Variants in ENTHD1 observed in about 807,000 individuals in gnomAD.
ENTHD1 encodes the protein ENTH domain containing 1.
In ENTHD1, 23 loss-of-function variants were observed where a neutral mutation model predicts 39.1. That is an observed-to-expected ratio of 0.59 (90% confidence interval 0.42 to 0.83). The LOEUF is 0.83. ENTHD1 is among the 40% of genes least tolerant of loss of function. The pLI is 0.00. For synonymous variants in ENTHD1, 230 were observed against 258.2 expected, an observed-to-expected ratio of 0.89 and a Z score of 1.05; for missense variants, 624 against 705.4, an observed-to-expected ratio of 0.88 and a Z score of 1.31.
At chr22:39,814,605 C>T (rs2065719619) in intron 5 of ENTHD1, among the ~76,000 whole-genome samples, 1 of 152,182 alleles carries the variant, frequency 6.6e-6, no homozygotes, top group Admixed American at 6.5e-5. Flanking sequence ...TAAACAGTTC[C>T]ATGCATATGT....
At chr22:39,766,864 A>G (rs961285566) in intron 5 of ENTHD1, among the ~76,000 whole-genome samples, 2 of 152,208 alleles carry the variant, frequency 1.3e-5, no homozygotes, top group Admixed American at 6.5e-5. Context: ...TGCTATCTTC[A>G]CCAGAAATTC....
chr22:39,815,640 A>G (rs994980206), intron 5 of ENTHD1, among the ~76,000 whole-genome samples: 16 of 152,182 alleles, frequency 1.1e-4, no homozygotes, highest in African/African-American at 3.9e-4. Flanking sequence ...TATATGCCCT[A>G]GAGAAACTCC....
chr22:39,842,259 A>AT (rs1270394275), intron 3 of ENTHD1, among the ~76,000 whole-genome samples: 1 of 151,982 alleles, frequency 6.6e-6, no homozygotes, highest in Non-Finnish European at 1.5e-5. Flanking sequence ...TGTTCTCTGT[A>AT]TTTCCTGAAT....
At chr22:39,883,003 CAAAA>C (rs58964198) in intron 2 of ENTHD1, among the ~76,000 whole-genome samples, 3 of 48,288 alleles carry the variant, frequency 6.2e-5, no homozygotes, top group South Asian at 9.7e-4. Context: ...GACTTCATCT[CAAAA>C]AAAAAAAAAA....
chr22:39,748,581 C>T (rs2065125175), intron 6 of ENTHD1, among the ~76,000 whole-genome samples: 1 of 149,658 alleles, frequency 6.7e-6, no homozygotes, highest in Non-Finnish European at 1.5e-5. Flanking sequence ...TCACCACGCC[C>T]GGCTATTTTT....
rs534064347 is a variant in ENTHD1, at chr22:39,808,315, C to T, written c.832+12678G>A. Among the ~76,000 whole-genome samples, 3 of 152,266 alleles carry T rather than the reference C, an allele frequency of 2.0e-5. No individual in the cohort carries two copies. In the South Asian group the frequency reaches 6.2e-4, roughly 32 times the overall value. On this transcript the variant is annotated intron_variant, in intron 5 of 6. Coordinates refer to ENST00000325157, the MANE Select transcript of ENTHD1 (RefSeq NM_152512.4). The stretch of plus-strand genomic sequence containing the variant: ...GTGTCCTCTCCCTATCCTGATACCT[C>T]ATTTGTTTGATTAGGTCTGTTAAGC...
rs2065261692 is a variant in ENTHD1, at chr22:39,764,784, CAAT to C, written c.1219+436_1219+438del. Among the ~76,000 whole-genome samples, 3 of 151,402 alleles carry C rather than the reference CAAT, an allele frequency of 2.0e-5. No individual in the cohort carries two copies. The South Asian group carries it at 6.2e-4, about 31-fold the overall frequency. On this transcript the variant is annotated intron_variant, in intron 6 of 6. Coordinates refer to ENST00000325157, the MANE Select transcript of ENTHD1 (RefSeq NM_152512.4). ...GACAAGATCCCCTGCCCCTTTTGTG[CAAT>C]CAGTACACAGCCCTTTTTAAAGGGG...
intron 1 of ENTHD1, among the ~76,000 whole-genome samples, chr22:39,890,047 G>A (rs868436856): frequency 6.6e-6 from 1 of 151,428 alleles, no homozygotes; most frequent in Non-Finnish European, 1.5e-5. Flanking sequence ...GCACTGAGCC[G>A]AGATTAGGCC....
chr22:39,799,367 G>A (rs1305192467), intron 5 of ENTHD1, among the ~76,000 whole-genome samples: 3 of 152,214 alleles, frequency 2.0e-5, no homozygotes, highest in Admixed American at 2.0e-4. Context: ...CCCCTGGGCT[G>A]CAGGACACTG....
chr22:39,839,634 T>A (rs2065929718), intron 3 of ENTHD1, among the ~76,000 whole-genome samples: 1 of 152,194 alleles, frequency 6.6e-6, no homozygotes, highest in African/African-American at 2.4e-5. Flanking sequence ...GGCTTGGAGA[T>A]TTTGTAGCTA....
At chr22:39,786,111 C>G (rs775245665) in intron 5 of ENTHD1, among the ~76,000 whole-genome samples, 6 of 152,136 alleles carry the variant, frequency 3.9e-5, no homozygotes, top group Non-Finnish European at 5.9e-5. Flanking sequence ...TCCTTTCTAT[C>G]CAGGCCTGTC....
rs77915572 is a variant in ENTHD1, at chr22:39,814,295, C to CAAAA, written c.832+6694_832+6697dup. Among the ~76,000 whole-genome samples, 5 of 97,718 alleles carry CAAAA rather than the reference C, an allele frequency of 5.1e-5. No homozygotes were observed. The South Asian group carries it at 1.4e-3, about 27-fold the overall frequency. 64.1% of individuals were successfully genotyped at this position (97,718 alleles called of 152,430 possible). On this transcript the variant is annotated intron_variant, in intron 5 of 6. Coordinates refer to ENST00000325157, the MANE Select transcript of ENTHD1 (RefSeq NM_152512.4). The stretch of plus-strand genomic sequence containing the variant: ...GCAACATGGCAAAACCCCATCTCTA[C>CAAAA]AAAAAAAAAAAAAAAATAACCAGGT...
rs997840046 is a variant in ENTHD1, at chr22:39,843,100, C to A, written c.593-7142G>T. Among the ~76,000 whole-genome samples the A allele has an allele frequency of 3.0e-3, 460 of 151,818 alleles. 3 individuals are homozygous for A. Among genetic ancestry groups the A allele is most frequent in the African/African-American group, 0.011 (442 of 41,440 alleles). On this transcript the variant is annotated intron_variant, in intron 3 of 6. Transcript: ENST00000325157. ...AGAAATACCATTTGACCCAGCCATCCCATTACTGGGTATATACCCAAAGGA... is the reference window on the plus strand; with the variant it reads ...AGAAATACCATTTGACCCAGCCATCACATTACTGGGTATATACCCAAAGGA...
intron 6 of ENTHD1, among the ~76,000 whole-genome samples, chr22:39,754,868 A>G (rs977457752): frequency 1.3e-5 from 2 of 152,232 alleles, no homozygotes; most frequent in Non-Finnish European, 2.9e-5. Context: ...AGCCTAGCTT[A>G]AGACCTTTAC....
At chr22:39,760,240 T>A (rs1462686173) in intron 6 of ENTHD1, among the ~76,000 whole-genome samples, 2 of 152,062 alleles carry the variant, frequency 1.3e-5, no homozygotes, top group Non-Finnish European at 2.9e-5. Context: ...AATCTCAAAT[T>A]AAAACTGCAG....
At chr22:39,787,910 A>T (rs1313654294) in intron 5 of ENTHD1, among the ~76,000 whole-genome samples, 1 of 152,254 alleles carries the variant, frequency 6.6e-6, no homozygotes, top group African/African-American at 2.4e-5. Flanking sequence ...TTGGCAAAAG[A>T]TGCAACTGGT....
At chr22:39,765,659 C>G in intron 5 of ENTHD1, 50 bp from the exon 6 acceptor site, 1 of 1,467,930 alleles carries the variant, frequency 6.8e-7, no homozygotes, top group Non-Finnish European at 9.2e-7. Context: ...ACTGAAAATA[C>G]TCTATTTCAA....
intron 1 of ENTHD1, among the ~76,000 whole-genome samples, chr22:39,888,260 CTTTT>C (rs61092462): frequency 8.1e-5 from 9 of 110,650 alleles, no homozygotes; most frequent in South Asian, 3.1e-4. Context: ...TTCTTTCTTT[CTTTT>C]TTTTTTTTTT....
At chr22:39,802,132 G>C (rs1455288070) in intron 5 of ENTHD1, among the ~76,000 whole-genome samples, 1 of 152,064 alleles carries the variant, frequency 6.6e-6, no homozygotes, top group Non-Finnish European at 1.5e-5. Context: ...TCAGTAAATA[G>C]AACTATAGGG....
Sources: gnomAD v4.1 joint callset for allele counts (sites outside exome capture counted in the v4.1 genomes callset) on GRCh38, gnomAD v4.1.1 for gene constraint, MANE v1.5 for transcripts, NCBI Gene and HGNC (gene_info 2026-07-23, HGNC 2026-07-21) for gene names.